Variants in PTPN12 observed in about 807,000 individuals in gnomAD.
The protein encoded by PTPN12 is tyrosine-protein phosphatase non-receptor type 12.
In PTPN12, 29 loss-of-function variants were observed where a neutral mutation model predicts 97.6. That is an observed-to-expected ratio of 0.30 (90% CI 0.22 to 0.41). PTPN12 has a LOEUF of 0.41. PTPN12 is among the 10% of genes least tolerant of loss of function. PTPN12 has a pLI of 1.00. For missense variants in PTPN12, 819 were observed against 926.0 expected, an observed-to-expected ratio of 0.88 and a Z score of 1.50; for synonymous variants, 327 against 300.4, an observed-to-expected ratio of 1.09 and a Z score of -0.91.
In PTPN12 at chr7:77,582,084, C is replaced by CTTTTTTTTTTTTTT. The variant is rs11341609; in HGVS notation, c.285+596_285+609dup. Among the ~76,000 whole-genome samples the CTTTTTTTTTTTTTT allele has an allele frequency of 2.7e-3, 144 of 52,880 alleles. 24 individuals carry two copies. The highest frequency in any genetic ancestry group is 3.6e-3 in the East Asian group (6 of 1,684). The allele number at this position is 52,880 out of a possible 152,430, so 34.7% of individuals were successfully genotyped here. On this transcript the variant is annotated intron_variant, in intron 3 of 17. Transcript: ENST00000248594. ...CCCTTTGATGAAAAGCAGTCAAGTT[C>CTTTTTTTTTTTTTT]TTTTTTTTTTTTTTTTTTTTTTTTT... is the stretch of plus-strand genomic sequence containing the variant.
At chr7:77,580,861 A>T (rs1042870363) in intron 2 of PTPN12, among the ~76,000 whole-genome samples, 2 of 152,118 alleles carry the variant, frequency 1.3e-5, no homozygotes, top group Non-Finnish European at 2.9e-5. Context: ...CTTGTGTATC[A>T]CTGGTTAGTA....
rs139289279 is a variant in PTPN12 at position 77,625,468 on chromosome 7, G to GCTCTCTCTCTCTCTCT, written c.1026-1234_1026-1233insTCTCTCTCTCTCTCTC. ...AGGGTTTTGCCATATTGCCCAGGCT[G>GCTCTCTCTCTCTCTCT]CTCGCTCTCTCTCTCTCTCTCTCTC... On this transcript the variant is annotated intron_variant, in intron 12 of 17. Transcript: ENST00000248594. 1.7e-3 allele frequency among the ~76,000 whole-genome samples: 43 copies of GCTCTCTCTCTCTCTCT among 24,744 alleles called. 5 individuals are homozygous for GCTCTCTCTCTCTCTCT. Among genetic ancestry groups the GCTCTCTCTCTCTCTCT allele is most frequent in the African/African-American group, 8.6e-3 (35 of 4,048 alleles). The allele number at this position is 24,744 out of a possible 152,430, so 16.2% of individuals were successfully genotyped here. A position where few individuals can be genotyped will look rare whatever the true frequency, so the allele number is the denominator to read the frequency against.
chr7:77,584,224 G>A (rs1268173578), intron 4 of PTPN12, among the ~76,000 whole-genome samples: 1 of 152,176 alleles, frequency 6.6e-6, no homozygotes, highest in Non-Finnish European at 1.5e-5. Flanking sequence ...TTTTCATTGT[G>A]TGGATGTGGA....
rs76478242 is a variant in PTPN12 at position 77,581,816 on chromosome 7, A to G, written c.285+313A>G. 6.4e-3 allele frequency among the ~76,000 whole-genome samples: 970 copies of G among 152,308 alleles called. 16 individuals carry two copies. The highest frequency in any genetic ancestry group is 0.022 in the African/African-American group (898 of 41,562). On this transcript the variant is annotated intron_variant, in intron 3 of 17. Transcript: ENST00000248594. ...CTTTGGACACAAATGAACATCATCA[A>G]TCCCCGTTGTTGACCCATATAGGTT...
At chr7:77,611,883 A>G (rs1309521902) in intron 11 of PTPN12, among the ~76,000 whole-genome samples, 2 of 152,146 alleles carry the variant, frequency 1.3e-5, no homozygotes, top group Non-Finnish European at 2.9e-5. Flanking sequence ...TGACAAAAAC[A>G]CTGTATTCTC....
At chr7:77,629,011 G>A (rs12530539) in intron 13 of PTPN12, among the ~76,000 whole-genome samples, 9 of 152,112 alleles carry the variant, frequency 5.9e-5, no homozygotes, top group African/African-American at 2.2e-4. Context: ...GTGCAGTGGC[G>A]CAATCTTGGC....
intron 1 of PTPN12, among the ~76,000 whole-genome samples, chr7:77,556,048 GGTGTTTGTTTGT>G (rs546491987): frequency 1.7e-5 from 2 of 115,494 alleles, no homozygotes; most frequent in East Asian, 5.9e-4. Context: ...TTAATCATAG[GGTGTTTGTTTGT>G]TTGTTTGTTT....
chr7:77,629,142 G>A (rs1170617370), intron 13 of PTPN12, among the ~76,000 whole-genome samples: 1 of 151,522 alleles, frequency 6.6e-6, no homozygotes, highest in Non-Finnish European at 1.5e-5. Context: ...GTAGAGACAG[G>A]GTTTCACTGT....
intron 7 of PTPN12, 41 bp downstream of exon 7, chr7:77,597,942 T>G (rs1353624311): frequency 1.9e-6 from 3 of 1,599,216 alleles, no homozygotes. Flanking sequence ...AAGAATAGTT[T>G]TCAGGCTGGG....
chr7:77,549,415 T>G (rs949634163), intron 1 of PTPN12, among the ~76,000 whole-genome samples: 3 of 152,160 alleles, frequency 2.0e-5, no homozygotes, highest in Non-Finnish European at 4.4e-5. Context: ...AGTTAGACAT[T>G]AAACATCAGG....
At chr7:77,567,205 A>C (rs1808301117) in intron 1 of PTPN12, among the ~76,000 whole-genome samples, 1 of 151,700 alleles carries the variant, frequency 6.6e-6, no homozygotes, top group African/African-American at 2.4e-5. Flanking sequence ...TAAAAAAAAA[A>C]AAAAACCTGC....
intron 3 of PTPN12, among the ~76,000 whole-genome samples, chr7:77,581,753 A>G (rs1038725483): frequency 6.6e-6 from 1 of 152,178 alleles, no homozygotes; most frequent in Admixed American, 6.5e-5. Flanking sequence ...TTTCCCATGG[A>G]AGTCTTACCT....
intron 1 of PTPN12, among the ~76,000 whole-genome samples, chr7:77,550,414 A>G (rs536939132): frequency 8.7e-4 from 132 of 152,266 alleles, no homozygotes; most frequent in African/African-American, 3.1e-3. Flanking sequence ...TTAAAATATA[A>G]AGTTAATTTC....
At chr7:77,580,706 C>T (rs2151329835) in intron 2 of PTPN12, among the ~76,000 whole-genome samples, 1 of 152,040 alleles carries the variant, frequency 6.6e-6, no homozygotes, top group East Asian at 1.9e-4. Context: ...ACTCTATTAC[C>T]TAATAATAAC....
chr7:77,612,881 C>T (rs2151378562), intron 11 of PTPN12, among the ~76,000 whole-genome samples: 1 of 151,884 alleles, frequency 6.6e-6, no homozygotes, highest in East Asian at 1.9e-4. Context: ...AAGCGATTCT[C>T]CTGCCTCAGC....
chr7:77,629,939 C>CAAAAAAA (rs1168132976), intron 13 of PTPN12, among the ~76,000 whole-genome samples: 1 of 98,886 alleles, frequency 1.0e-5, no homozygotes, highest in African/African-American at 3.6e-5. Flanking sequence ...GACCCTGTCT[C>CAAAAAAA]AAAAAAAAAA....
intron 1 of PTPN12, among the ~76,000 whole-genome samples, chr7:77,566,844 C>T (rs532543840): frequency 5.3e-5 from 8 of 151,882 alleles, no homozygotes; most frequent in South Asian, 2.1e-4. Flanking sequence ...TAACTTAATA[C>T]GGACATCATT....
intron 5 of PTPN12, among the ~76,000 whole-genome samples, chr7:77,587,617 A>G (rs934432641): frequency 1.3e-5 from 2 of 152,244 alleles, no homozygotes; most frequent in African/African-American, 4.8e-5. Flanking sequence ...ACTTAATGTC[A>G]CCAGCTGCAT....
At chr7:77,543,750 T>A (rs575695078) in intron 1 of PTPN12, among the ~76,000 whole-genome samples, 1 of 152,196 alleles carries the variant, frequency 6.6e-6, no homozygotes, top group Non-Finnish European at 1.5e-5. Flanking sequence ...ACATTTTATA[T>A]AAATGGAATC....
Sources: allele counts gnomAD v4.1 joint callset (sites outside exome capture counted in the v4.1 genomes callset), GRCh38; gene constraint gnomAD v4.1.1; transcripts MANE v1.5; gene names NCBI Gene and HGNC (gene_info 2026-07-23, HGNC 2026-07-21).